MERTK: variants seen among roughly 807,000 people sequenced by gnomAD.
MERTK encodes MER proto-oncogene, tyrosine kinase.
MERTK carries 69 observed loss-of-function variants against 99.3 expected under a neutral mutation model. The ratio of observed to expected loss-of-function variants is 0.70; its 90% CI spans 0.57 to 0.85. The LOEUF is 0.85. Among genes scored for constraint, MERTK ranks in the 40% least tolerant of loss-of-function variants. The probability of loss-of-function intolerance (pLI) is 0.00; values close to 1 mark genes in which losing one functional copy is unlikely to be tolerated. For synonymous variants in MERTK, 426 were observed against 467.6 expected (o/e 0.91, Z 1.15); for missense variants, 1,125 against 1,249.4 (o/e 0.90, Z 1.50).
At chr2:112,019,339 C>A (rs1348686774) in intron 15 of MERTK, 74 bp from the exon 16 acceptor site, 4 of 1,071,278 alleles carry the variant, frequency 3.7e-6, no homozygotes, top group African/African-American at 1.6e-5. Flanking sequence ...CATCCTTTCC[C>A]CCCCCGGCAG....
intron 8 of MERTK, among the ~76,000 whole-genome samples, chr2:111,987,442 A>G (rs1676504385): frequency 6.6e-6 from 1 of 152,188 alleles, no homozygotes; most frequent in Non-Finnish European, 1.5e-5. Flanking sequence ...AACAAATACA[A>G]TGTGTTCTCT....
At chr2:112,020,057 A>G (rs561517674) in intron 16 of MERTK, among the ~76,000 whole-genome samples, 2 of 152,320 alleles carry the variant, frequency 1.3e-5, no homozygotes, top group South Asian at 4.1e-4. Context: ...TAAATCTTCA[A>G]AAACAATAAC....
chr2:111,936,561 G>C (rs148467921), intron 2 of MERTK, among the ~76,000 whole-genome samples: 14 of 151,958 alleles, frequency 9.2e-5, no homozygotes, highest in Admixed American at 6.5e-5. Context: ...TTTTTTTCCT[G>C]TTTCACTTGG....
At chr2:111,977,075 A>G (rs1478383368) in intron 7 of MERTK, among the ~76,000 whole-genome samples, 1 of 152,178 alleles carries the variant, frequency 6.6e-6, no homozygotes, top group Non-Finnish European at 1.5e-5. Context: ...ATAACCAGGA[A>G]AAACACATGT....
chr2:111,978,137 G>GT (rs1676292365), intron 7 of MERTK, among the ~76,000 whole-genome samples: 1 of 138,744 alleles, frequency 7.2e-6, no homozygotes, highest in Admixed American at 7.1e-5. Context: ...TTTATGTTTT[G>GT]TTTTTTGGTT....
At chr2:111,902,325 A>G (rs865879365) in intron 1 of MERTK, among the ~76,000 whole-genome samples, 13 of 152,376 alleles carry the variant, frequency 8.5e-5, no homozygotes, top group Middle Eastern at 3.4e-3. Context: ...GCTGGGTAGA[A>G]AAACTGAGCT....
chr2:112,015,816 A>G (rs963167484), intron 15 of MERTK: 1 of 154,344 alleles, frequency 6.5e-6, no homozygotes, highest in Non-Finnish European at 1.5e-5. Flanking sequence ...ACATTTAAGT[A>G]TATGACCAAT....
chr2:112,022,008 A>G (rs1409110568), intron 17 of MERTK, among the ~76,000 whole-genome samples: 1 of 152,214 alleles, frequency 6.6e-6, no homozygotes, highest in Non-Finnish European at 1.5e-5. Context: ...GGAGGAGAGC[A>G]CTAAGCAGAT....
At chr2:111,998,973 T>C (rs1294489658) in intron 10 of MERTK, among the ~76,000 whole-genome samples, 1 of 152,194 alleles carries the variant, frequency 6.6e-6, no homozygotes, top group Non-Finnish European at 1.5e-5. Context: ...TAAATGAAAA[T>C]ACTTTTATTT....
Position 111,944,942 on chromosome 2 carries a change from A to C in MERTK, c.483-18A>C. The C allele has an allele frequency of 1.2e-6, 2 of 1,602,636 alleles. No homozygotes were observed. The highest frequency in any genetic ancestry group is 1.7e-6 in the Non-Finnish European group (2 of 1,170,662). ...AAGGGTAGTCACTGTAAATATCTTCATGTGTTTTTCTTTGCAGCATAACCA... is the reference window on the plus strand; with the variant it reads ...AAGGGTAGTCACTGTAAATATCTTCCTGTGTTTTTCTTTGCAGCATAACCA... On this transcript the variant is annotated intron_variant, in intron 2 of 18. Coordinates refer to ENST00000295408, the MANE Select transcript of MERTK (RefSeq NM_006343.3).
At chr2:111,981,127 T>C (rs185746840) in intron 7 of MERTK, among the ~76,000 whole-genome samples, 270 of 152,304 alleles carry the variant, frequency 1.8e-3, no homozygotes, top group African/African-American at 6.2e-3. Context: ...TTACTGTTTC[T>C]GGAATCAGCA....
At chr2:111,982,304 C>A (rs750444730) in intron 7 of MERTK, among the ~76,000 whole-genome samples, 2 of 152,090 alleles carry the variant, frequency 1.3e-5, no homozygotes. Context: ...CAATCCTCTC[C>A]CTCTGGCCTC....
At chr2:111,913,507 A>G (rs1255869759) in intron 1 of MERTK, among the ~76,000 whole-genome samples, 2 of 152,164 alleles carry the variant, frequency 1.3e-5, no homozygotes, top group Non-Finnish European at 2.9e-5. Flanking sequence ...ATTTGTTCCA[A>G]GGAGACTTTT....
chr2:111,923,471 G>A (rs974829138), intron 1 of MERTK, among the ~76,000 whole-genome samples: 10 of 152,204 alleles, frequency 6.6e-5, no homozygotes, highest in African/African-American at 2.4e-4. Context: ...GTTGGTAAAT[G>A]CAGCTGCTGG....
intron 8 of MERTK, among the ~76,000 whole-genome samples, chr2:111,985,589 A>G (rs1676462149): frequency 6.6e-6 from 1 of 152,206 alleles, no homozygotes; most frequent in Non-Finnish European, 1.5e-5. Flanking sequence ...AATAGGTTTA[A>G]TGGACTCACA....
chr2:111,919,960 C>G (rs1009830539), intron 1 of MERTK, among the ~76,000 whole-genome samples: 1 of 151,938 alleles, frequency 6.6e-6, no homozygotes, highest in Non-Finnish European at 1.5e-5. Flanking sequence ...TCCTGGTGTG[C>G]CAGGTCCCTG....
chr2:112,007,890 CT>C (rs1677017324), intron 13 of MERTK, among the ~76,000 whole-genome samples: 1 of 151,232 alleles, frequency 6.6e-6, no homozygotes, highest in Non-Finnish European at 1.5e-5. Context: ...TACCATTAGA[CT>C]TTAACTTTGT....
chr2:111,988,600 G>A (rs917220736), intron 8 of MERTK, among the ~76,000 whole-genome samples: 2 of 152,232 alleles, frequency 1.3e-5, no homozygotes, highest in Non-Finnish European at 2.9e-5. Context: ...CTGATTACTT[G>A]CAGCATGCCA....
rs886054762 is a variant in MERTK at position 112,029,173 on chromosome 2, C to A, written c.*309C>A. 3.0e-5 allele frequency: 31 copies of A among 1,048,100 alleles called. No individual in the cohort carries two copies. The highest frequency in any genetic ancestry group is 3.4e-5 in the Non-Finnish European group (29 of 864,590). The allele number at this position is 1,048,100 out of a possible 1,614,324, so 64.9% of individuals were successfully genotyped here. On this transcript the variant is annotated 3_prime_UTR_variant, in exon 19 of 19. Coordinates refer to ENST00000295408, the MANE Select transcript of MERTK (RefSeq NM_006343.3). ...CTGCTCCTTGATATTAACATTTGTACAGAGTTGAAGTTGTTTTTTCAAGTT... is the reference window on the plus strand; with the variant it reads ...CTGCTCCTTGATATTAACATTTGTAAAGAGTTGAAGTTGTTTTTTCAAGTT...
Sources: allele counts gnomAD v4.1 joint callset (sites outside exome capture counted in the v4.1 genomes callset), GRCh38; gene constraint gnomAD v4.1.1; transcripts MANE v1.5; gene names NCBI Gene and HGNC (gene_info 2026-07-23, HGNC 2026-07-21).